Variants in DZIP1L observed in about 807,000 individuals in gnomAD.
DZIP1L encodes DAZ interacting zinc finger protein 1 like.
Under a neutral mutation model 88.7 loss-of-function variants are expected in DZIP1L, and 90 were observed. That is an observed-to-expected ratio of 1.02 (90% CI 0.86 to 1.21). The LOEUF (loss-of-function observed/expected upper bound fraction) is 1.21. Ranked by LOEUF, DZIP1L falls within the 50% of genes most tolerant of loss-of-function variation. DZIP1L has a pLI of 0.00. For missense variants in DZIP1L, 932 were observed against 955.8 expected, an observed-to-expected ratio of 0.98 and a Z score of 0.33; for synonymous variants, 363 against 372.1, an observed-to-expected ratio of 0.98 and a Z score of 0.28.
At chr3:138,086,893 G>C in intron 7 of DZIP1L, 68 bp downstream of exon 7, 1 of 1,537,846 alleles carries the variant, frequency 6.5e-7, no homozygotes, top group Non-Finnish European at 8.9e-7. Flanking sequence ...AGGGGGCGTG[G>C]AGAATGCTGA....
chr3:138,092,642 A>C, intron 4 of DZIP1L, 98 bp from the exon 5 acceptor site: 1 of 1,231,096 alleles, frequency 8.1e-7, no homozygotes, highest in Non-Finnish European at 1.1e-6. Context: ...GCAAGTCACT[A>C]TGGAGACCCA....
At chr3:138,105,511 G>A (rs1490207735) in intron 1 of DZIP1L, among the ~76,000 whole-genome samples, 1 of 151,692 alleles carries the variant, frequency 6.6e-6, no homozygotes, top group African/African-American at 2.4e-5. Flanking sequence ...ACACATTCTC[G>A]CACACACTCT....
chr3:138,076,687 C>T (rs192884559), intron 11 of DZIP1L, among the ~76,000 whole-genome samples: 3 of 152,174 alleles, frequency 2.0e-5, no homozygotes, highest in Admixed American at 2.0e-4. Context: ...GTTCTCACTC[C>T]TATGTGGGAG....
chr3:138,103,144 C>T (rs1424496901), intron 2 of DZIP1L, among the ~76,000 whole-genome samples: 1 of 148,006 alleles, frequency 6.8e-6, no homozygotes, highest in Non-Finnish European at 1.5e-5. Context: ...TAAACACACA[C>T]ACATGTTCAC....
intron 15 of DZIP1L, 100 bp downstream of exon 15, chr3:138,064,523 GATGAC>G (rs1559818701): frequency 3.1e-6 from 5 of 1,612,960 alleles, no homozygotes; most frequent in Non-Finnish European, 4.2e-6. Context: ...TAGGGCAAAG[GATGAC>G]ACTTGCTGGG....
At chr3:138,088,543 G>GAAAAAC in intron 5 of DZIP1L, 36 bp from the exon 6 acceptor site, 1 of 1,604,950 alleles carries the variant, frequency 6.2e-7, no homozygotes, top group Non-Finnish European at 8.5e-7. Flanking sequence ...TTCAGATGAA[G>GAAAAAC]ATCTCATCAT....
chr3:138,078,009 T>G (rs929801828), intron 10 of DZIP1L, among the ~76,000 whole-genome samples: 11 of 152,188 alleles, frequency 7.2e-5, no homozygotes, highest in African/African-American at 2.4e-4. Context: ...CACCTGGGCA[T>G]GGGTTAAAAA....
chr3:138,068,047 C>T, intron 13 of DZIP1L, 104 bp downstream of exon 13: 3 of 1,033,532 alleles, frequency 2.9e-6, no homozygotes, highest in Non-Finnish European at 2.6e-6. Context: ...CATGTGTCTG[C>T]CCCCCTCCTA....
At chr3:138,068,871 G>C in intron 12 of DZIP1L, 1 of 1,217,102 alleles carries the variant, frequency 8.2e-7, no homozygotes, top group Non-Finnish European at 1.0e-6. Flanking sequence ...CAGCCCCTCT[G>C]TTTTCCAAAT....
rs1257029602 is a variant in DZIP1L, at chr3:138,103,657, A to C, written c.315T>G (p.Ser105Arg). 6.2e-7 allele frequency: 1 copy of C among 1,609,024 alleles called. No individual in the cohort carries two copies. Among genetic ancestry groups the C allele is most frequent in the Admixed American group, 1.7e-5 (1 of 59,874 alleles). The change falls in exon 2 of 16, where the codon AGT (serine) becomes AGG (arginine). Residue 105 changes from serine (S) to arginine (R), a missense_variant. By Grantham distance (110) the Ser-to-Arg change is moderately radical. Transcript: ENST00000327532. ...GTGCCTCCAGCTGGGCAACACTGGC[A>C]CTCAGGCAATCCTGGCAGTGCAGCA... ...EYLLHCQDCL[S>R]ASVAQLEARL...
chr3:138,065,132 A>C (rs1003500975), intron 14 of DZIP1L, among the ~76,000 whole-genome samples: 1 of 152,216 alleles, frequency 6.6e-6, no homozygotes, highest in African/African-American at 2.4e-5. Context: ...CAGAGACAAG[A>C]AGAAATATCA....
chr3:138,098,022 G>A (rs1028436410), intron 2 of DZIP1L, among the ~76,000 whole-genome samples, 175 bp from the exon 3 acceptor site: 6 of 152,176 alleles, frequency 3.9e-5, no homozygotes, highest in South Asian at 2.1e-4. Flanking sequence ...TAGGATCACC[G>A]GAGCTTTAAA....
At chr3:138,075,388 T>C (rs745854591) in intron 11 of DZIP1L, among the ~76,000 whole-genome samples, 33 of 152,302 alleles carry the variant, frequency 2.2e-4, no homozygotes, top group Non-Finnish European at 4.1e-4. Context: ...TTCTCCAAGA[T>C]AGACCAGATG....
Position 138,062,633 on chromosome 3 carries a change from C to T in DZIP1L, c.*183G>A, listed in dbSNP as rs1451439231. The T allele has an allele frequency of 1.1e-5, 7 of 655,572 alleles. No homozygotes were observed. Among genetic ancestry groups the T allele is most frequent in the Non-Finnish European group, 1.7e-5 (7 of 403,846 alleles). 40.6% of individuals were successfully genotyped at this position (655,572 alleles called of 1,614,324 possible). On this transcript the variant is annotated 3_prime_UTR_variant, in exon 16 of 16. Transcript: ENST00000327532. ...CTAGTCAGGCACCTGTGGCCATCTA[C>T]AGCAGGGCCCCTCACAGGTCAGGAG...
intron 11 of DZIP1L, among the ~76,000 whole-genome samples, chr3:138,072,940 A>C (rs1357217858): frequency 2.0e-5 from 3 of 152,206 alleles, no homozygotes; most frequent in South Asian, 2.1e-4. Context: ...CAGCAGAGGC[A>C]GCCATAATCC....
At chr3:138,081,665 G>A (rs1943657981) in intron 9 of DZIP1L, 69 bp downstream of exon 9, 15 of 1,511,038 alleles carry the variant, frequency 9.9e-6, no homozygotes, top group Non-Finnish European at 1.4e-5. Context: ...TGGGGGAGAG[G>A]GAAAAGGAGG....
In DZIP1L at chr3:138,071,819, G is replaced by C; in HGVS notation, c.1439C>G (p.Ser480Trp). Reference sequence around the variant, plus strand: ...TTCCAGGTGTCTGAGAGTCTGAATCGAGATTCCCTTTGCATCCTAGAGGAG... The same window carrying C: ...TTCCAGGTGTCTGAGAGTCTGAATCCAGATTCCCTTTGCATCCTAGAGGAG... ...MGIRKDAKGI[S>W]IQTLRHLESL... The change falls in exon 12 of 16, where the codon TCG becomes TGG. Residue 480 changes from serine to tryptophan, a missense_variant. Transcript: ENST00000327532. The C allele has an allele frequency of 6.2e-7, 1 of 1,613,450 alleles. No individual in the cohort carries two copies. Among genetic ancestry groups the C allele is most frequent in the Non-Finnish European group, 8.5e-7 (1 of 1,179,796 alleles).
intron 11 of DZIP1L, among the ~76,000 whole-genome samples, chr3:138,075,748 G>A (rs1219006985): frequency 6.6e-6 from 1 of 152,162 alleles, no homozygotes; most frequent in Non-Finnish European, 1.5e-5. Flanking sequence ...AGCACCTTGG[G>A]AGGCCGAGGT....
In DZIP1L at chr3:138,077,635, G is replaced by T. The variant is rs751072492; in HGVS notation, c.1289-3C>A. The T allele has an allele frequency of 2.7e-5, 43 of 1,613,866 alleles. No homozygotes were observed. Among genetic ancestry groups the T allele is most frequent in the Non-Finnish European group, 3.1e-5 (37 of 1,180,014 alleles). Reference sequence around the variant, plus strand: ...TTCATCCTGGGAGTCCTCCATCTCTGTAGCATGAGACATTCACCCAGATCA... The same window carrying T: ...TTCATCCTGGGAGTCCTCCATCTCTTTAGCATGAGACATTCACCCAGATCA... On this transcript the variant is annotated splice_polypyrimidine_tract_variant and splice_region_variant and intron_variant, in intron 10 of 15. Coordinates refer to ENST00000327532, the MANE Select transcript of DZIP1L (RefSeq NM_173543.3).
Sources: gnomAD v4.1 joint callset for allele counts (sites outside exome capture counted in the v4.1 genomes callset) on GRCh38, gnomAD v4.1.1 for gene constraint, MANE v1.5 for transcripts, NCBI Gene and HGNC (gene_info 2026-07-23, HGNC 2026-07-21) for gene names.